The following FRMPD4 variants were observed in gnomAD, a reference collection of about 807,000 sequenced individuals.
The protein encoded by FRMPD4 is FERM and PDZ domain containing 4, also known as FERM and PDZ domain-containing protein 4.
In FRMPD4, 22 loss-of-function variants were observed where a neutral mutation model predicts 94.1. That is an observed-to-expected ratio of 0.23 (90% CI 0.17 to 0.33). The LOEUF is 0.33. Among genes scored for constraint, FRMPD4 ranks in the 10% least tolerant of loss-of-function variants. The pLI is 1.00. For synonymous variants in FRMPD4, 631 were observed against 548.6 expected, an observed-to-expected ratio of 1.15 and a Z score of -2.10; for missense variants, 1,111 against 1,339.9, an observed-to-expected ratio of 0.83 and a Z score of 2.67.
rs138752052 is a variant in FRMPD4, at chrX:12,090,340, C to T, written c.95+212322C>T. On this transcript the variant is annotated intron_variant, in intron 3 of 18. Transcript: ENST00000640291. Reference sequence around the variant, plus strand: ...ACGTAAAGTGCCTGCTCCCCTTTTGCCTTCTGCCAGGATTGTAAGTTTCCT... The same window carrying T: ...ACGTAAAGTGCCTGCTCCCCTTTTGTCTTCTGCCAGGATTGTAAGTTTCCT... 5.3e-3 allele frequency among the ~76,000 whole-genome samples: 590 copies of T among 110,454 alleles called. 2 individuals are homozygous for T. The highest frequency in any genetic ancestry group is 0.014 in the Middle Eastern group (3 of 216).
intron 1 of FRMPD4, among the ~76,000 whole-genome samples, chrX:12,436,042 G>A (rs778937457): frequency 7.2e-5 from 8 of 111,217 alleles, no homozygotes; most frequent in Non-Finnish European, 1.1e-4. Context: ...GTCTTGCTCT[G>A]TCGCCCAAGC....
chrX:11,948,724 A>G (rs1391213542), intron 3 of FRMPD4, among the ~76,000 whole-genome samples: 1 of 111,935 alleles, frequency 8.9e-6, no homozygotes, highest in Non-Finnish European at 1.9e-5. Flanking sequence ...GGTCCTGTGG[A>G]TAAAAGGAAT....
At chrX:12,639,607 A>C (rs1365841062) in intron 4 of FRMPD4, among the ~76,000 whole-genome samples, 1 of 112,437 alleles carries the variant, frequency 8.9e-6, no homozygotes, top group African/African-American at 3.2e-5. Context: ...CTAATTTTTA[A>C]AAAGTACCTA....
chrX:11,853,703 C>T (rs1194988095), intron 1 of FRMPD4, among the ~76,000 whole-genome samples: 1 of 111,386 alleles, frequency 9.0e-6, no homozygotes, highest in Non-Finnish European at 1.9e-5. Context: ...CTGAACAGAC[C>T]AAAAATGAGT....
intron 1 of FRMPD4, among the ~76,000 whole-genome samples, chrX:11,828,776 G>T (rs368613842): frequency 1.8e-5 from 2 of 112,458 alleles, no homozygotes; most frequent in East Asian, 2.8e-4. Flanking sequence ...ATGAAGAAAA[G>T]AATCTCATTA....
chrX:12,639,086 A>G (rs1318677461), intron 4 of FRMPD4, among the ~76,000 whole-genome samples: 3 of 111,552 alleles, frequency 2.7e-5, no homozygotes, highest in Admixed American at 1.9e-4. Flanking sequence ...GTTGGTATGA[A>G]TCATATTCTG....
At chrX:12,192,775 G>T (rs1390672117) in intron 1 of FRMPD4, among the ~76,000 whole-genome samples, 1 of 111,446 alleles carries the variant, frequency 9.0e-6, no homozygotes, top group African/African-American at 3.3e-5. Context: ...GATTCCTTAG[G>T]TCTGGGATGG....
chrX:12,435,704 C>T (rs2057059051), intron 1 of FRMPD4, among the ~76,000 whole-genome samples: 1 of 111,337 alleles, frequency 9.0e-6, no homozygotes, highest in African/African-American at 3.3e-5. Flanking sequence ...TTATGCTAGT[C>T]TCTAGAAACA....
At chrX:12,172,918 A>G (rs780035807) in intron 1 of FRMPD4, among the ~76,000 whole-genome samples, 24 of 112,924 alleles carry the variant, frequency 2.1e-4, no homozygotes, top group African/African-American at 7.4e-4. Flanking sequence ...TTAGCATTTC[A>G]AACATCCCCT....
chrX:12,501,199 T>G (rs2057915991), intron 2 of FRMPD4, among the ~76,000 whole-genome samples: 1 of 112,589 alleles, frequency 8.9e-6, no homozygotes, highest in Non-Finnish European at 1.9e-5. Context: ...TGTTAAAACA[T>G]AAGAGCAAAT....
intron 1 of FRMPD4, among the ~76,000 whole-genome samples, chrX:12,232,194 C>T (rs745615365): frequency 3.7e-4 from 41 of 111,344 alleles, no homozygotes; most frequent in African/African-American, 8.2e-4. Context: ...TCCTTCTCCC[C>T]GATGCTTTAC....
At chrX:11,861,586 T>C (rs911651918) in intron 1 of FRMPD4, among the ~76,000 whole-genome samples, 3 of 111,990 alleles carry the variant, frequency 2.7e-5, no homozygotes, top group African/African-American at 9.7e-5. Flanking sequence ...CATGGTATTA[T>C]GGCAATACTA....
intron 4 of FRMPD4, among the ~76,000 whole-genome samples, chrX:12,649,915 C>A (rs2059582132): frequency 8.9e-6 from 1 of 112,590 alleles, no homozygotes; most frequent in Non-Finnish European, 1.9e-5. Flanking sequence ...TATCTCTTCT[C>A]CCAATTTGTT....
At position 12,508,971 on chromosome X, in the gene FRMPD4, G is replaced by A. The variant is rs543634092; in HGVS notation, c.158+10175G>A. Among the ~76,000 whole-genome samples the A allele has an allele frequency of 2.3e-3, 176 of 75,353 alleles. 2 individuals carry two copies. In the South Asian group the frequency reaches 0.027, roughly 12 times the overall value. The allele number at this position is 75,353 out of a possible 115,157, so 65.4% of individuals were successfully genotyped here. ...CGCACCATTGCACTTCAGCCTGGGC[G>A]ACAGAGTAAGACTCTGTCTCAAAAA... is the stretch of plus-strand genomic sequence containing the variant. On this transcript the variant is annotated intron_variant, in intron 2 of 16. Coordinates refer to ENST00000675598, the MANE Select transcript of FRMPD4 (RefSeq NM_001368397.1).
chrX:12,630,693 A>G (rs1047184192), intron 4 of FRMPD4, among the ~76,000 whole-genome samples: 3 of 111,633 alleles, frequency 2.7e-5, no homozygotes, highest in Non-Finnish European at 5.7e-5. Flanking sequence ...GGTGGCTTGC[A>G]CTCATATTTT....
chrX:11,865,863 T>C (rs1028646314), intron 2 of FRMPD4, among the ~76,000 whole-genome samples: 1 of 112,222 alleles, frequency 8.9e-6, no homozygotes, highest in Non-Finnish European at 1.9e-5. Context: ...AACTATTATA[T>C]GGCCAGGTCT....
At chrX:12,328,362 A>C (rs1226075711) in intron 1 of FRMPD4, among the ~76,000 whole-genome samples, 1 of 112,011 alleles carries the variant, frequency 8.9e-6, no homozygotes, top group Non-Finnish European at 1.9e-5. Context: ...AGCCAGGGCT[A>C]GATTGCTGGA....
chrX:12,328,683 A>G (rs1046617142), intron 1 of FRMPD4, among the ~76,000 whole-genome samples: 15 of 112,200 alleles, frequency 1.3e-4, no homozygotes, highest in Admixed American at 9.5e-5. Flanking sequence ...CATTGTTACT[A>G]TCTCCCTCAG....
At chrX:12,022,057 T>C (rs1411204230) in intron 3 of FRMPD4, among the ~76,000 whole-genome samples, 2 of 111,977 alleles carry the variant, frequency 1.8e-5, no homozygotes, top group African/African-American at 3.2e-5. Flanking sequence ...GATTGGAAAA[T>C]CCCCAGGATC....
Sources: gnomAD v4.1 joint callset for allele counts (sites outside exome capture counted in the v4.1 genomes callset) on GRCh38, gnomAD v4.1.1 for gene constraint, MANE v1.5 for transcripts, NCBI Gene and HGNC (gene_info 2026-07-23, HGNC 2026-07-21) for gene names.